Variants in ADAMTS9 observed in about 807,000 individuals in gnomAD.
The protein encoded by ADAMTS9 is A disintegrin and metalloproteinase with thrombospondin motifs 9.
A neutral mutation model predicts 257.1 loss-of-function variants in ADAMTS9; 107 were observed. The ratio of observed to expected loss-of-function variants is 0.42; its 90% CI spans 0.36 to 0.49. The LOEUF (loss-of-function observed/expected upper bound fraction) is 0.49, where lower values mean the gene tolerates loss of function less well. Among genes scored for constraint, ADAMTS9 ranks in the 20% least tolerant of loss-of-function variants. ADAMTS9 has a pLI of 0.03. For synonymous variants in ADAMTS9, 982 were observed against 880.9 expected (o/e 1.11, Z -2.03); for missense variants, 2,353 against 2,469.1 (o/e 0.95, Z 1.00).
At chr3:64,674,779 G>A (rs751117630) in intron 3 of ADAMTS9, among the ~76,000 whole-genome samples, 52 of 152,188 alleles carry the variant, frequency 3.4e-4, no homozygotes, top group Non-Finnish European at 1.3e-4. Context: ...ATGTTTTACC[G>A]AAAGCCCCCT....
chr3:64,575,634 G>C (rs1172569622), intron 28 of ADAMTS9, among the ~76,000 whole-genome samples: 1 of 152,126 alleles, frequency 6.6e-6, no homozygotes, highest in Non-Finnish European at 1.5e-5. Context: ...AGGTTTGAGA[G>C]TCAGACAGGC....
At chr3:64,600,476 T>C (rs1425710263) in intron 26 of ADAMTS9, among the ~76,000 whole-genome samples, 1 of 152,224 alleles carries the variant, frequency 6.6e-6, no homozygotes, top group African/African-American at 2.4e-5. Flanking sequence ...GGCAGAATCA[T>C]TCAATCTTAA....
intron 16 of ADAMTS9, among the ~76,000 whole-genome samples, chr3:64,629,530 A>G (rs535316296): frequency 6.6e-6 from 1 of 152,268 alleles, no homozygotes; most frequent in East Asian, 1.9e-4. Flanking sequence ...TAAATAGCTT[A>G]TTATCTTGCT....
At position 64,561,655 on chromosome 3, in the gene ADAMTS9, TGTATGG is replaced by T; in HGVS notation, c.4615_4620del (p.Pro1539_Tyr1540del). The T allele has an allele frequency of 6.2e-7, 1 of 1,613,838 alleles. No individual in the cohort carries two copies. Among genetic ancestry groups the T allele is most frequent in the Non-Finnish European group, 8.5e-7 (1 of 1,179,932 alleles). The stretch of plus-strand genomic sequence containing the variant: ...CAGTCGCGTTCCGACTCCGGTCTGG[TGTATGG>T]GTTGCACTCGGTCTCTCTGGCTATT... On this transcript the variant is annotated inframe_deletion, in exon 30 of 40. Coordinates refer to ENST00000498707, the MANE Select transcript of ADAMTS9 (RefSeq NM_182920.2).
chr3:64,615,801 G>A (rs2084751152), intron 20 of ADAMTS9, among the ~76,000 whole-genome samples, 159 bp downstream of exon 20: 1 of 152,130 alleles, frequency 6.6e-6, no homozygotes, highest in Admixed American at 6.6e-5. Context: ...AATCAACCAT[G>A]CTACTCTATT....
intron 39 of ADAMTS9, among the ~76,000 whole-genome samples, chr3:64,521,884 A>C (rs924711083): frequency 3.9e-5 from 6 of 152,194 alleles, no homozygotes; most frequent in Non-Finnish European, 7.3e-5. Context: ...AACACACTAT[A>C]ACAGTGTAAC....
intron 12 of ADAMTS9, among the ~76,000 whole-genome samples, chr3:64,639,752 T>G (rs899308740): frequency 5.9e-5 from 9 of 152,194 alleles, no homozygotes; most frequent in African/African-American, 1.9e-4. Context: ...ATATTAGTTG[T>G]TACGATACAA....
chr3:64,549,578 G>A (rs564741236), intron 31 of ADAMTS9, among the ~76,000 whole-genome samples: 82 of 152,230 alleles, frequency 5.4e-4, no homozygotes, highest in African/African-American at 1.7e-3. Context: ...AAGGGCATGC[G>A]GTACTACTCA....
rs762184284 is a variant in ADAMTS9, at chr3:64,533,252, G to C, written c.5632C>G (p.Leu1878Val). Residue 1878 changes from leucine (L) to valine (V), a missense_variant, in exon 38 of 40, where the codon CTT (leucine) becomes GTT (valine). Leu to Val is a conservative substitution (Grantham distance 32). This residue lies in a region of ADAMTS9 where 1,402 missense variants were observed against 1,441.4 expected (regional missense o/e 0.97). Transcript: ENST00000498707. Reference sequence around the variant, plus strand: ...GTTAAAGACAAGCCGGTTCCATAAAGGTTGATGCTAAAACGACCCTGGAAA... The same window carrying C: ...GTTAAAGACAAGCCGGTTCCATAAACGTTGATGCTAAAACGACCCTGGAAA... ...KCPQGRFSIN[L>V]YGTGLSLTES... The C allele has an allele frequency of 4.3e-6, 7 of 1,613,916 alleles. No homozygotes were observed. In the East Asian group the frequency reaches 8.9e-5, roughly 21 times the overall value.
intron 37 of ADAMTS9, among the ~76,000 whole-genome samples, chr3:64,537,333 C>A (rs975875562): frequency 6.6e-6 from 1 of 152,074 alleles, no homozygotes; most frequent in Non-Finnish European, 1.5e-5. Context: ...ACAAGAAAAT[C>A]CTGAGACATT....
rs370730887 is a variant in ADAMTS9 at position 64,614,283 on chromosome 3, C to A, written c.3190-774G>T. Among the ~76,000 whole-genome samples the A allele has an allele frequency of 1.4e-4, 22 of 151,988 alleles. 1 individual carries two copies. In the East Asian group the frequency reaches 4.3e-3, roughly 29 times the overall value. The stretch of plus-strand genomic sequence containing the variant: ...AACCTACTACTTATCTTTTTTTAAC[C>A]AAATACTAGAGATTTTTAAGCAAAG... On this transcript the variant is annotated intron_variant, in intron 21 of 39. Coordinates refer to ENST00000498707, the MANE Select transcript of ADAMTS9 (RefSeq NM_182920.2).
At chr3:64,539,361 G>T in intron 36 of ADAMTS9, 67 bp from the exon 37 acceptor site, 1 of 1,332,490 alleles carries the variant, frequency 7.5e-7, no homozygotes, top group Non-Finnish European at 1.1e-6. Flanking sequence ...GGAAGGAACA[G>T]GACATTAACA....
At chr3:64,667,403 G>A (rs926454370) in intron 3 of ADAMTS9, among the ~76,000 whole-genome samples, 1 of 152,140 alleles carries the variant, frequency 6.6e-6, no homozygotes, top group African/African-American at 2.4e-5. Flanking sequence ...GCAAGTGATG[G>A]GGACAGCACC....
In ADAMTS9 at chr3:64,658,660, T is replaced by C. The variant is rs1208658470; in HGVS notation, c.811A>G (p.Asn271Asp). 3 of 1,614,120 alleles carry C rather than the reference T, an allele frequency of 1.9e-6. No homozygotes were observed. Among genetic ancestry groups the C allele is most frequent in the Non-Finnish European group, 2.5e-6 (3 of 1,180,006 alleles). The change falls in exon 4 of 40, where the codon AAT (asparagine) becomes GAT (aspartate). Residue 271 changes from asparagine to aspartate, a missense_variant. Coordinates refer to ENST00000498707, the MANE Select transcript of ADAMTS9 (RefSeq NM_182920.2). ...LATEAFSAYG[N>D]KTDNTREKRT... ...TTTTCTCTTGTGTTGTCCGTCTTATTACCATAAGCAGAAAATGCCTCTGTT... is the reference window on the plus strand; with the variant it reads ...TTTTCTCTTGTGTTGTCCGTCTTATCACCATAAGCAGAAAATGCCTCTGTT...
chr3:64,544,319 C>A (rs921865652), intron 32 of ADAMTS9, among the ~76,000 whole-genome samples: 8 of 152,106 alleles, frequency 5.3e-5, no homozygotes, highest in African/African-American at 1.9e-4. Flanking sequence ...CAATCCTAAG[C>A]CGAAAGAACA....
chr3:64,538,400 TTTTA>T (rs1034725880), intron 37 of ADAMTS9, among the ~76,000 whole-genome samples: 4 of 152,036 alleles, frequency 2.6e-5, no homozygotes, highest in African/African-American at 9.7e-5. Flanking sequence ...CCCGTCCAAC[TTTTA>T]TTTATTTTTT....
At chr3:64,632,708 G>A (rs1700397099) in intron 14 of ADAMTS9, among the ~76,000 whole-genome samples, 1 of 152,140 alleles carries the variant, frequency 6.6e-6, no homozygotes. Context: ...ATGTGTTGCT[G>A]TGAAATGGAC....
At chr3:64,519,243 G>C (rs955723895) in intron 39 of ADAMTS9, among the ~76,000 whole-genome samples, 1 of 152,086 alleles carries the variant, frequency 6.6e-6, no homozygotes, top group African/African-American at 2.4e-5. Flanking sequence ...TTTCTCAAAG[G>C]ATGAGCTGTG....
chr3:64,604,832 C>A (rs1371323984), intron 23 of ADAMTS9, among the ~76,000 whole-genome samples: 1 of 152,196 alleles, frequency 6.6e-6, no homozygotes, highest in Non-Finnish European at 1.5e-5. Flanking sequence ...ATTCAATTGG[C>A]CAATGCCTGG....
Sources: gnomAD v4.1 joint callset for allele counts (sites outside exome capture counted in the v4.1 genomes callset) on GRCh38, gnomAD v4.1.1 for gene constraint, gnomAD v4.1.1 regional missense constraint, MANE v1.5 for transcripts, NCBI Gene and HGNC (gene_info 2026-07-23, HGNC 2026-07-21) for gene names.